Variants in RNF123 observed in about 807,000 individuals in gnomAD.
The protein encoded by RNF123 is E3 ubiquitin-protein ligase RNF123.
A neutral mutation model predicts 168.5 loss-of-function variants in RNF123; 86 were observed. The observed-to-expected ratio is 0.51, with a 90% confidence interval of 0.43 to 0.61. RNF123 has a LOEUF of 0.61. Among genes scored for constraint, RNF123 ranks in the 20% least tolerant of loss-of-function variants. The pLI, the probability that RNF123 is intolerant of heterozygous loss-of-function variation, is 0.00. For missense variants in RNF123, 1,419 were observed against 1,729.7 expected (o/e 0.82, Z 3.19); for synonymous variants, 666 against 689.1 (o/e 0.97, Z 0.52).
At chr3:49,709,386 C>T (rs12381242) in intron 26 of RNF123, among the ~76,000 whole-genome samples, 76,836 of 150,468 alleles carry the variant, frequency 0.51, 20,640 homozygotes, top group East Asian at 0.82. Context: ...CTGCAAGCTC[C>T]GCCTCCCGGG....
At chr3:49,715,439 C>A in intron 31 of RNF123, 136 bp from the exon 32 acceptor site, 1 of 1,067,072 alleles carries the variant, frequency 9.4e-7, no homozygotes, top group Non-Finnish European at 1.3e-6. Flanking sequence ...CTGTCCCCTG[C>A]TTTCATGACC....
intron 35 of RNF123, chr3:49,718,742 C>A: frequency 6.2e-7 from 1 of 1,613,074 alleles, no homozygotes; most frequent in East Asian, 2.2e-5. Context: ...AAGTCGCGCA[C>A]GGCGCTCAGG....
intron 25 of RNF123, 43 bp from the exon 26 acceptor site, chr3:49,706,748 T>G (rs1265288195): frequency 1.3e-6 from 2 of 1,556,510 alleles, no homozygotes; most frequent in Non-Finnish European, 1.8e-6. Context: ...GACCTGGGTA[T>G]GGGGCCATGT....
At chr3:49,713,610 A>G (rs772981423) in intron 28 of RNF123, 23 bp downstream of exon 28, 7 of 1,606,958 alleles carry the variant, frequency 4.4e-6, no homozygotes, top group Non-Finnish European at 5.9e-6. Context: ...TACAGAGGGT[A>G]CAGGGGGAGG....
Position 49,720,662 on chromosome 3 carries a change from G to A in RNF123, c.3643+9G>A. ...CTTCTCCCTGCAGAGCTGTGAGTGG[G>A]CTGGTGGGGCAGGTCAGGGAAATCT... is the stretch of plus-strand genomic sequence containing the variant. On this transcript the variant is annotated intron_variant, in intron 36 of 38. Transcript: ENST00000327697. The A allele has an allele frequency of 6.3e-6, 10 of 1,596,298 alleles. No individual in the cohort carries two copies. The highest frequency in any genetic ancestry group is 2.2e-5 in the South Asian group (2 of 89,682).
rs764842978 is a variant in RNF123, at chr3:49,699,651, C to A, written c.880-17C>A. The A allele has an allele frequency of 6.2e-7, 1 of 1,613,280 alleles. No individual in the cohort carries two copies. Among genetic ancestry groups the A allele is most frequent in the Non-Finnish European group, 8.5e-7 (1 of 1,179,632 alleles). On this transcript the variant is annotated splice_polypyrimidine_tract_variant and intron_variant, in intron 11 of 38. Transcript: ENST00000327697. The surrounding 1 kb of genome is among the most constrained non-coding windows in gnomAD (Gnocchi z 4.8). ...CCTCCTGCCCCTCACACTTCTCCCT[C>A]CTCCCCCTCCACACAGGAGGGGCGG...
intron 26 of RNF123, among the ~76,000 whole-genome samples, chr3:49,708,603 TTC>T (rs1245324167): frequency 1.3e-5 from 2 of 152,214 alleles, no homozygotes; most frequent in Non-Finnish European, 2.9e-5. Context: ...CCATCCTACT[TTC>T]TGTCTCTGAA....
chr3:49,706,931 C>T (rs1384206543), intron 26 of RNF123, 33 bp downstream of exon 26: 2 of 1,581,992 alleles, frequency 1.3e-6, no homozygotes, highest in Non-Finnish European at 1.7e-6. Context: ...CCTTCCCGAC[C>T]TCACTGTCTG....
intron 3 of RNF123, among the ~76,000 whole-genome samples, chr3:49,694,510 A>G (rs2054230027): frequency 6.6e-6 from 1 of 152,228 alleles, no homozygotes. Flanking sequence ...GAGGATGCCC[A>G]GGGCTGGAGT....
At chr3:49,695,845 ACAGCACTGACTGG>A (rs1241629133) in intron 3 of RNF123, among the ~76,000 whole-genome samples, 24 of 152,154 alleles carry the variant, frequency 1.6e-4, no homozygotes, top group African/African-American at 5.8e-4. Context: ...TGAGCTCAGG[ACAGCACTGACTGG>A]CATTAGACAG....
rs758095007 is a variant in RNF123 at position 49,700,553 on chromosome 3, C to T, written c.1192C>T (p.Leu398=). 7.4e-5 allele frequency: 119 copies of T among 1,614,096 alleles called. No individual in the cohort carries two copies. The highest frequency in any genetic ancestry group is 9.4e-5 in the Non-Finnish European group (111 of 1,180,032). Residue 398 remains leucine (L), a synonymous_variant, in exon 14 of 39, where the codon CTG becomes TTG. Coordinates refer to ENST00000327697, the MANE Select transcript of RNF123 (RefSeq NM_022064.5). ...LYRFSPIVPD[L]GLQIHYLRLT... ...CCGATTCTCACCCATTGTCCCAGACCTGGGCCTACAGGTGGGAGCCCCTAC... is the reference window on the plus strand; with the variant it reads ...CCGATTCTCACCCATTGTCCCAGACTTGGGCCTACAGGTGGGAGCCCCTAC...
intron 3 of RNF123, among the ~76,000 whole-genome samples, chr3:49,695,509 C>T (rs1276052151): frequency 1.3e-5 from 2 of 152,206 alleles, no homozygotes; most frequent in Admixed American, 6.5e-5. Context: ...GACTGCATAG[C>T]CACCACCTGG....
At position 49,721,479 on chromosome 3, in the gene RNF123, G is replaced by C. The variant is rs1315342472; in HGVS notation, c.*174G>C. ...CAGCCATGGCCCTAATTGTGCCTGA[G>C]CTTGACTTTCAGTCAGGGCCACAGT... On this transcript the variant is annotated 3_prime_UTR_variant, in exon 39 of 39. Transcript: ENST00000327697. 4.2e-6 allele frequency: 4 copies of C among 953,712 alleles called. No homozygotes were observed. The Admixed American group carries it at 5.2e-5, about 13-fold the overall frequency. The allele number at this position is 953,712 out of a possible 1,614,324, so 59.1% of individuals were successfully genotyped here.
At position 49,713,581 on chromosome 3, in the gene RNF123, G is replaced by A; in HGVS notation, c.2743G>A (p.Gly915Ser). The A allele has an allele frequency of 6.2e-7, 1 of 1,612,220 alleles. No homozygotes were observed. The highest frequency in any genetic ancestry group is 8.5e-7 in the Non-Finnish European group (1 of 1,179,244). Residue 915 changes from glycine (G) to serine (S), a missense_variant, in exon 28 of 39, where the codon GGC becomes AGC. Around this residue, in one of 5 missense-constraint regions of RNF123, gnomAD observed 538 missense variants for 708.8 expected, o/e 0.76. Transcript: ENST00000327697. ...ACACTTTGCCGACGCACGCATTGTG[G>A]GCACTGGTGAGGGGCCCCTACAGAG... Reference protein sequence around the residue: ...AKHFADARIVGTDIRDSLMQA... With the variant: ...AKHFADARIVSTDIRDSLMQA...
Position 49,696,143 on chromosome 3 carries a change from GGT to G in RNF123, c.168-998_168-997del, listed in dbSNP as rs533244882. Among the ~76,000 whole-genome samples, 15 of 152,296 alleles carry G rather than the reference GGT, an allele frequency of 9.8e-5. No homozygotes were observed. In the East Asian group the frequency reaches 1.7e-3, roughly 18 times the overall value. ...AGGCCTAGGGGCAAGGGTTGGACTAGGTGGCCTTGGTACTGACCACTTTGGGA... is the reference window on the plus strand; with the variant it reads ...AGGCCTAGGGGCAAGGGTTGGACTAGGGCCTTGGTACTGACCACTTTGGGA... On this transcript the variant is annotated intron_variant, in intron 3 of 38. Transcript: ENST00000327697.
chr3:49,717,951 C>A, intron 35 of RNF123: 1 of 1,611,108 alleles, frequency 6.2e-7, no homozygotes, highest in South Asian at 1.1e-5. Flanking sequence ...CCTGGGCAGT[C>A]TAGGTTGTCA....
intron 18 of RNF123, 43 bp from the exon 19 acceptor site, chr3:49,702,291 G>GCATTC (rs1559676549): frequency 1.2e-6 from 2 of 1,607,170 alleles, no homozygotes; most frequent in Admixed American, 3.3e-5. Context: ...GTCTGGGCCT[G>GCATTC]CATTCTCAGC....
Position 49,713,927 on chromosome 3 carries a change from G to A in RNF123, c.2855G>A (p.Arg952Lys). ...IPEEQRIAMV[R>K]NLLAPYEQRP... ...CCTCACAGGCGTATCGCCATGGTGA[G>A]GAACCTCCTGGCGCCCTATGAGCAG... The change falls in exon 30 of 39, where the codon AGG (arginine) becomes AAG (lysine). Residue 952 changes from arginine (R) to lysine (K), a missense_variant. Arg to Lys is a conservative substitution (Grantham distance 26). Around this residue, in one of 5 missense-constraint regions of RNF123, gnomAD observed 538 missense variants for 708.8 expected, o/e 0.76. Transcript: ENST00000327697. The A allele has an allele frequency of 6.2e-7, 1 of 1,613,916 alleles. No individual in the cohort carries two copies. Among genetic ancestry groups the A allele is most frequent in the Non-Finnish European group, 8.5e-7 (1 of 1,179,930 alleles).
In RNF123 at chr3:49,708,198, A is replaced by G. The variant is rs115193604; in HGVS notation, c.2496+1300A>G. Reference sequence around the variant, plus strand: ...TGGCTGGTCTCAAACTCCTGGCCTCATGTGATCCTGCCACCTCGGCCTCCC... The same window carrying G: ...TGGCTGGTCTCAAACTCCTGGCCTCGTGTGATCCTGCCACCTCGGCCTCCC... On this transcript the variant is annotated intron_variant, in intron 26 of 38. Transcript: ENST00000327697. 6.8e-3 allele frequency among the ~76,000 whole-genome samples: 1,040 copies of G among 152,292 alleles called. 13 individuals carry two copies. Among genetic ancestry groups the G allele is most frequent in the South Asian group, 0.04 (192 of 4,818 alleles).
Sources: allele counts gnomAD v4.1 joint callset (sites outside exome capture counted in the v4.1 genomes callset), GRCh38; gene constraint gnomAD v4.1.1; regional missense constraint gnomAD v4.1.1; non-coding constraint Gnocchi (gnomAD v3.1); transcripts MANE v1.5; gene names NCBI Gene and HGNC (gene_info 2026-07-23, HGNC 2026-07-21).